Variants in DCC observed in about 807,000 individuals in gnomAD.
DCC encodes netrin receptor DCC.
DCC carries 58 observed loss-of-function variants against 172.5 expected under a neutral mutation model. The observed-to-expected ratio is 0.34, with a 90% CI of 0.27 to 0.42. The LOEUF (loss-of-function observed/expected upper bound fraction) is 0.42. Ranked by LOEUF, DCC falls within the 10% of genes least tolerant of loss-of-function variation. The pLI is 1.00. For missense variants in DCC, 1,740 were observed against 1,791.0 expected, an observed-to-expected ratio of 0.97 and a Z score of 0.51; for synonymous variants, 709 against 644.5, an observed-to-expected ratio of 1.10 and a Z score of -1.52.
chr18:53,491,685 C>T (rs947426274), intron 26 of DCC, among the ~76,000 whole-genome samples: 1 of 152,126 alleles, frequency 6.6e-6, no homozygotes, highest in African/African-American at 2.4e-5. Context: ...CATTGTATTC[C>T]ATGGTGTATA....
intron 5 of DCC, among the ~76,000 whole-genome samples, chr18:53,026,600 G>T (rs1412285338): frequency 6.6e-6 from 1 of 152,034 alleles, no homozygotes; most frequent in Non-Finnish European, 1.5e-5. Flanking sequence ...CTGTCACCTA[G>T]GTTGAAGTGC....
chr18:52,871,322 CTT>C (rs77020050), intron 2 of DCC, among the ~76,000 whole-genome samples: 4 of 145,446 alleles, frequency 2.8e-5, no homozygotes, highest in South Asian at 4.4e-4. Context: ...AGAACAGTGT[CTT>C]TTTTTTTTTT....
intron 5 of DCC, among the ~76,000 whole-genome samples, chr18:52,993,172 A>G (rs1319886577): frequency 6.6e-6 from 1 of 152,144 alleles, no homozygotes; most frequent in Admixed American, 6.6e-5. Flanking sequence ...ATTTTGTAAC[A>G]TCTATTGAGA....
At position 52,357,936 on chromosome 18, in the gene DCC, T is replaced by TCA. The variant is rs71173391; in HGVS notation, c.91+17058_91+17059insCA. 2.2e-3 allele frequency among the ~76,000 whole-genome samples: 267 copies of TCA among 123,408 alleles called. 12 individuals carry two copies. Among genetic ancestry groups the TCA allele is most frequent in the East Asian group, 6.3e-3 (27 of 4,280 alleles). 81.0% of individuals were successfully genotyped at this position (123,408 alleles called of 152,430 possible). On this transcript the variant is annotated intron_variant, in intron 1 of 28. Coordinates refer to ENST00000442544, the MANE Select transcript of DCC (RefSeq NM_005215.4). ...CTGGGCGACAGAGCGAGACTCTGTGTAAAAAAAAAAAAAAAAAAAATCTGA... is the reference window on the plus strand; with the variant it reads ...CTGGGCGACAGAGCGAGACTCTGTGTCAAAAAAAAAAAAAAAAAAAAATCTGA...
intron 1 of DCC, among the ~76,000 whole-genome samples, chr18:52,622,044 A>G (rs1468735362): frequency 6.6e-6 from 1 of 152,202 alleles, no homozygotes; most frequent in African/African-American, 2.4e-5. Context: ...GAGAAAAGAG[A>G]GCGATTAAAA....
chr18:53,076,704 T>C (rs948188672), intron 7 of DCC, among the ~76,000 whole-genome samples: 4 of 152,164 alleles, frequency 2.6e-5, no homozygotes, highest in African/African-American at 9.7e-5. Context: ...TTCCAGAATA[T>C]GTGTTTATTT....
At chr18:52,613,504 C>T (rs980630856) in intron 1 of DCC, among the ~76,000 whole-genome samples, 8 of 152,194 alleles carry the variant, frequency 5.3e-5, no homozygotes, top group African/African-American at 1.9e-4. Flanking sequence ...ATCCGCCCGC[C>T]TCTGCCTCCC....
At chr18:53,046,768 G>T (rs547155897) in intron 5 of DCC, among the ~76,000 whole-genome samples, 1 of 152,014 alleles carries the variant, frequency 6.6e-6, no homozygotes, top group South Asian at 2.1e-4. Context: ...TAATGTTTGA[G>T]TTTGCAAACA....
At chr18:52,804,731 G>T (rs1031179067) in intron 2 of DCC, among the ~76,000 whole-genome samples, 1 of 152,116 alleles carries the variant, frequency 6.6e-6, no homozygotes, top group Non-Finnish European at 1.5e-5. Context: ...TTACAGGCAT[G>T]TGCCACCAAG....
At chr18:52,499,608 T>A (rs1466239156) in intron 1 of DCC, among the ~76,000 whole-genome samples, 2 of 152,204 alleles carry the variant, frequency 1.3e-5, no homozygotes, top group African/African-American at 4.8e-5. Flanking sequence ...AGGTCCTTGC[T>A]TAACAAAGAC....
chr18:52,573,576 G>A (rs1200159911), intron 1 of DCC, among the ~76,000 whole-genome samples: 2 of 152,178 alleles, frequency 1.3e-5, no homozygotes, highest in African/African-American at 2.4e-5. Context: ...CATTTGTGGT[G>A]TTTTCATTTC....
chr18:53,005,925 G>T (rs1314613469), intron 5 of DCC, among the ~76,000 whole-genome samples: 2 of 152,112 alleles, frequency 1.3e-5, no homozygotes, highest in Non-Finnish European at 2.9e-5. Context: ...TTGGAACATG[G>T]GTTGGAAGTA....
intron 5 of DCC, among the ~76,000 whole-genome samples, chr18:52,991,398 T>C (rs1159903198): frequency 1.3e-5 from 2 of 152,334 alleles, no homozygotes; most frequent in East Asian, 3.9e-4. Context: ...ACACACTTAT[T>C]GGCAGATTGA....
chr18:53,396,569 C>T (rs1444324458), intron 17 of DCC, among the ~76,000 whole-genome samples: 1 of 152,076 alleles, frequency 6.6e-6, no homozygotes, highest in East Asian at 1.9e-4. Flanking sequence ...CAGTTACCAT[C>T]GTTAAATGTT....
At chr18:53,442,800 C>T (rs958523613) in intron 22 of DCC, among the ~76,000 whole-genome samples, 1 of 152,174 alleles carries the variant, frequency 6.6e-6, no homozygotes, top group Admixed American at 6.5e-5. Flanking sequence ...AGCAAAACAG[C>T]CTTATTGCTG....
intron 2 of DCC, among the ~76,000 whole-genome samples, chr18:52,792,559 G>T (rs1342885099): frequency 1.3e-5 from 2 of 152,170 alleles, no homozygotes. Context: ...AAGGAGGCTG[G>T]TTCAAACATG....
At chr18:53,019,907 G>A (rs573144486) in intron 5 of DCC, among the ~76,000 whole-genome samples, 3 of 152,212 alleles carry the variant, frequency 2.0e-5, no homozygotes, top group Admixed American at 6.5e-5. Flanking sequence ...GTAGATATTA[G>A]GAATTATAAA....
intron 5 of DCC, among the ~76,000 whole-genome samples, chr18:53,007,016 T>G (rs1173780652): frequency 6.6e-6 from 1 of 152,198 alleles, no homozygotes; most frequent in African/African-American, 2.4e-5. Flanking sequence ...TTGAAGTAGA[T>G]GGCGAACCAA....
At chr18:52,813,855 T>C (rs1043058600) in intron 2 of DCC, among the ~76,000 whole-genome samples, 3 of 152,192 alleles carry the variant, frequency 2.0e-5, no homozygotes, top group African/African-American at 7.2e-5. Flanking sequence ...ACTGCAATGA[T>C]GCTGCAACAA....
Sources: gnomAD v4.1 joint callset for allele counts (sites outside exome capture counted in the v4.1 genomes callset) on GRCh38, gnomAD v4.1.1 for gene constraint, MANE v1.5 for transcripts, NCBI Gene and HGNC (gene_info 2026-07-23, HGNC 2026-07-21) for gene names.